BNC2: variants seen among roughly 807,000 people sequenced by gnomAD.
The protein encoded by BNC2 is zinc finger protein basonuclin-2.
Under a neutral mutation model 76.3 loss-of-function variants are expected in BNC2, and 20 were observed. That is an observed-to-expected ratio of 0.26 (90% CI 0.18 to 0.38). The LOEUF is 0.38. Ranked by LOEUF, BNC2 falls within the 10% of genes least tolerant of loss-of-function variation. The pLI, the probability that BNC2 is intolerant of heterozygous loss-of-function variation, is 1.00. For synonymous variants in BNC2, 582 were observed against 514.8 expected (o/e 1.13, Z -1.77); for missense variants, 1,382 against 1,399.8 (o/e 0.99, Z 0.20).
At chr9:16,459,194 G>A (rs1197097232) in intron 5 of BNC2, among the ~76,000 whole-genome samples, 1 of 152,170 alleles carries the variant, frequency 6.6e-6, no homozygotes, top group East Asian at 1.9e-4. Context: ...ATCGGCCTGT[G>A]TCCTAGCATG....
At chr9:16,788,427 C>G (rs1183896268) in intron 1 of BNC2, among the ~76,000 whole-genome samples, 4 of 151,890 alleles carry the variant, frequency 2.6e-5, no homozygotes, top group Non-Finnish European at 4.4e-5. Context: ...GTGGTAGGCT[C>G]CTGTAATTCC....
chr9:16,495,416 C>T (rs1441797256), intron 5 of BNC2, among the ~76,000 whole-genome samples: 3 of 152,232 alleles, frequency 2.0e-5, no homozygotes, highest in Admixed American at 2.0e-4. Flanking sequence ...AAGCAGATCA[C>T]ATACTCAAAA....
chr9:16,469,499 G>A (rs939565682), intron 5 of BNC2, among the ~76,000 whole-genome samples: 17 of 152,332 alleles, frequency 1.1e-4, no homozygotes, highest in African/African-American at 2.6e-4. Flanking sequence ...TAGCCATGGG[G>A]AACTGTAAGT....
At chr9:16,717,822 TA>T (rs1431633164) in intron 3 of BNC2, among the ~76,000 whole-genome samples, 10 of 152,188 alleles carry the variant, frequency 6.6e-5, no homozygotes, top group African/African-American at 2.4e-4. Context: ...AAAAAAAATT[TA>T]AAAGATCAAA....
intron 1 of BNC2, among the ~76,000 whole-genome samples, chr9:16,770,694 A>T (rs1825809734): frequency 6.6e-6 from 1 of 151,142 alleles, no homozygotes; most frequent in African/African-American, 2.4e-5. Flanking sequence ...GTAAAACCCC[A>T]CCTCTACAAA....
intron 5 of BNC2, among the ~76,000 whole-genome samples, chr9:16,450,385 ATGTT>A (rs1240200880): frequency 6.6e-6 from 1 of 152,198 alleles, no homozygotes; most frequent in Non-Finnish European, 1.5e-5. Flanking sequence ...AGGTAAATAA[ATGTT>A]TGTGTGAGAA....
chr9:16,716,529 A>G (rs1361239232), intron 3 of BNC2, among the ~76,000 whole-genome samples: 1 of 152,196 alleles, frequency 6.6e-6, no homozygotes, highest in Non-Finnish European at 1.5e-5. Context: ...TCACAACGAC[A>G]CAGCATTTCT....
chr9:16,679,960 A>G (rs1822773354), intron 3 of BNC2, among the ~76,000 whole-genome samples: 1 of 152,218 alleles, frequency 6.6e-6, no homozygotes, highest in Admixed American at 6.5e-5. Context: ...ACTTTTCCAC[A>G]GGGATCTGTT....
intron 1 of BNC2, among the ~76,000 whole-genome samples, chr9:16,764,793 G>C (rs538761168): frequency 6.7e-6 from 1 of 149,676 alleles, no homozygotes; most frequent in Non-Finnish European, 1.5e-5. Flanking sequence ...CAAATTTTAA[G>C]ATTTGGTAGC....
At chr9:16,569,667 T>G (rs922476209) in intron 4 of BNC2, among the ~76,000 whole-genome samples, 1 of 152,220 alleles carries the variant, frequency 6.6e-6, no homozygotes, top group African/African-American at 2.4e-5. Flanking sequence ...TTCTCCCGCT[T>G]CTTCTTTCTT....
At chr9:16,788,966 T>C (rs1412595775) in intron 1 of BNC2, among the ~76,000 whole-genome samples, 1 of 152,168 alleles carries the variant, frequency 6.6e-6, no homozygotes, top group Non-Finnish European at 1.5e-5. Context: ...CATTAGCACC[T>C]GGTTAAATTG....
At chr9:16,822,976 G>A (rs1432064901) in intron 1 of BNC2, among the ~76,000 whole-genome samples, 2 of 152,030 alleles carry the variant, frequency 1.3e-5, no homozygotes, top group Non-Finnish European at 2.9e-5. Context: ...TGGTCAAGTA[G>A]TTTCAAGAAC....
chr9:16,720,149 A>G (rs563162544), intron 3 of BNC2, among the ~76,000 whole-genome samples: 1 of 152,214 alleles, frequency 6.6e-6, no homozygotes, highest in Non-Finnish European at 1.5e-5. Context: ...CACTCGAGAC[A>G]GTCCTGTCAG....
At chr9:16,528,758 T>TA (rs2132189317) in intron 5 of BNC2, among the ~76,000 whole-genome samples, 1 of 152,322 alleles carries the variant, frequency 6.6e-6, no homozygotes, top group African/African-American at 2.4e-5. Context: ...AATAAGTGAC[T>TA]AAATAAATTA....
chr9:16,854,988 C>T (rs1819218170), intron 1 of BNC2, among the ~76,000 whole-genome samples: 1 of 151,818 alleles, frequency 6.6e-6, no homozygotes, highest in Non-Finnish European at 1.5e-5. Flanking sequence ...AAATTCCAAC[C>T]CCATAAAGAG....
intron 5 of BNC2, among the ~76,000 whole-genome samples, chr9:16,488,642 G>A (rs1007725003): frequency 1.3e-5 from 2 of 152,132 alleles, no homozygotes; most frequent in African/African-American, 2.4e-5. Flanking sequence ...CTTATATACT[G>A]TATTGACTGT....
At chr9:16,817,110 T>C (rs1410879628) in intron 1 of BNC2, among the ~76,000 whole-genome samples, 1 of 152,214 alleles carries the variant, frequency 6.6e-6, no homozygotes, top group Non-Finnish European at 1.5e-5. Context: ...CAGAACACTC[T>C]GATTCCAACT....
At chr9:16,779,130 A>AAAAAAAAAAAAAAAG (rs556932807) in intron 1 of BNC2, among the ~76,000 whole-genome samples, 11 of 87,608 alleles carry the variant, frequency 1.3e-4, no homozygotes, top group East Asian at 3.4e-4. Flanking sequence ...AAAAAAAAAA[A>AAAAAAAAAAAAAAAG]AAAAGAAAAG....
intron 3 of BNC2, among the ~76,000 whole-genome samples, chr9:16,698,776 A>T (rs973155487): frequency 1.3e-5 from 2 of 152,204 alleles, no homozygotes; most frequent in Non-Finnish European, 2.9e-5. Flanking sequence ...TAAAAGTCAC[A>T]TATACATGTA....
Sources: allele counts gnomAD v4.1 joint callset (sites outside exome capture counted in the v4.1 genomes callset), GRCh38; gene constraint gnomAD v4.1.1; transcripts MANE v1.5; gene names NCBI Gene and HGNC (gene_info 2026-07-23, HGNC 2026-07-21).